The following ESRRB variants were observed in gnomAD, a reference collection of about 807,000 sequenced individuals.
ESRRB encodes the protein estrogen related receptor beta.
Under a neutral mutation model 46.0 loss-of-function variants are expected in ESRRB, and 16 were observed. That is an observed-to-expected ratio of 0.35 (90% CI 0.24 to 0.53). The LOEUF is 0.53. Among genes scored for constraint, ESRRB ranks in the 20% least tolerant of loss-of-function variants. The pLI is 0.93. For missense variants in ESRRB, 488 were observed against 607.4 expected (o/e 0.80, Z 2.07); for synonymous variants, 246 against 259.6 (o/e 0.95, Z 0.50).
At chr14:76,372,441 C>G (rs528531087), upstream of ESRRB, among the ~76,000 whole-genome samples, 2 of 152,084 alleles carry the variant, frequency 1.3e-5, no homozygotes, top group Non-Finnish European at 2.9e-5. Flanking sequence ...CCTCTGTCCA[C>G]CAGGTAAAGA....
intron 1 of ESRRB, among the ~76,000 whole-genome samples, chr14:76,380,152 T>C (rs1884951006): frequency 1.3e-5 from 2 of 152,138 alleles, no homozygotes; most frequent in African/African-American, 4.8e-5. Context: ...TTTTTAAAGA[T>C]AATCTAAACT....
intron 1 of ESRRB, among the ~76,000 whole-genome samples, chr14:76,418,944 T>A (rs1391433645): frequency 2.0e-5 from 3 of 152,016 alleles, no homozygotes; most frequent in African/African-American, 7.2e-5. Flanking sequence ...TTAGAAGTGC[T>A]GGCCAGGTAC....
At chr14:76,468,009 C>T (rs1250214342) in intron 3 of ESRRB, among the ~76,000 whole-genome samples, 1 of 152,158 alleles carries the variant, frequency 6.6e-6, no homozygotes, top group Non-Finnish European at 1.5e-5. Context: ...ATGCAATATG[C>T]TCTCACTTGC....
intron 1 of ESRRB, among the ~76,000 whole-genome samples, chr14:76,397,745 T>C (rs917497927): frequency 1.3e-5 from 2 of 152,064 alleles, no homozygotes; most frequent in South Asian, 4.1e-4. Context: ...TCTCTATTTT[T>C]CAAAAAGAAT....
rs1202659503 is a variant in ESRRB at position 76,463,452 on chromosome 14, T to TTG, written c.577+792_577+793insGT. The TTG allele has an allele frequency of 2.8e-4, 37 of 133,818 alleles. 3 individuals carry two copies. The highest frequency in any genetic ancestry group is 1.1e-3 in the African/African-American group (37 of 34,226). 8.3% of individuals were successfully genotyped at this position (133,818 alleles called of 1,614,324 possible). On this transcript the variant is annotated intron_variant, in intron 3 of 6. Transcript: ENST00000644823. ...AGCATCACATGCTTCTTTGTTTTTTTTTTTTTTTTTTGGAGACGGAGTCTT... is the reference window on the plus strand; with the variant it reads ...AGCATCACATGCTTCTTTGTTTTTTTTGTTTTTTTTTTTGGAGACGGAGTCTT...
At chr14:76,465,235 C>A (rs1006272589) in intron 3 of ESRRB, among the ~76,000 whole-genome samples, 8 of 152,180 alleles carry the variant, frequency 5.3e-5, no homozygotes, top group South Asian at 2.1e-4. Context: ...GAGGCTGGAA[C>A]TTTCCTTGCC....
At position 76,482,746 on chromosome 14, in the gene ESRRB, C is replaced by G. The variant is rs748988002; in HGVS notation, c.837C>G (p.Ala279=). ...AGCTTGTGGTCATCATTGGCTGGGC[C>G]AAGCACATCCCAGGTGAGCATGTGG... ...DRELVVIIGW[A]KHIPGFSSLS... Residue 279 remains alanine (A), a synonymous_variant, in exon 5 of 7, where the codon GCC becomes GCG. Coordinates refer to ENST00000644823, the MANE Select transcript of ESRRB (RefSeq NM_001379180.1). The surrounding 1 kb of genome is among the most constrained non-coding windows in gnomAD (Gnocchi z 4.3). The G allele has an allele frequency of 2.5e-6, 4 of 1,614,100 alleles. No homozygotes were observed. The East Asian group carries it at 8.9e-5, about 36-fold the overall frequency.
At chr14:76,469,670 C>A (rs944593095) in intron 3 of ESRRB, among the ~76,000 whole-genome samples, 4 of 152,082 alleles carry the variant, frequency 2.6e-5, no homozygotes, top group African/African-American at 9.7e-5. Flanking sequence ...TCACCACGCC[C>A]AGCCAAAAAC....
At chr14:76,488,678 G>C (rs948202322) in intron 5 of ESRRB, among the ~76,000 whole-genome samples, 1 of 152,132 alleles carries the variant, frequency 6.6e-6, no homozygotes, top group African/African-American at 2.4e-5. Flanking sequence ...TGTGCACCCT[G>C]GGAACTCAGA....
In ESRRB at chr14:76,492,984, C is replaced by A. The variant is rs149751775; in HGVS notation, c.1120+1268C>A. 1.1e-4 allele frequency among the ~76,000 whole-genome samples: 16 copies of A among 152,290 alleles called. No homozygotes were observed. In the East Asian group the frequency reaches 3.1e-3, roughly 29 times the overall value. On this transcript the variant is annotated intron_variant, in intron 6 of 6. Coordinates refer to ENST00000644823, the MANE Select transcript of ESRRB (RefSeq NM_001379180.1). ...GAGAACACATGCCAGGAATCACACA[C>A]ATAATTCTGTTGCAGAGCAGTGTGT...
chr14:76,330,269 C>T (rs1035973391), intron 1 of ESRRB, among the ~76,000 whole-genome samples: 6 of 152,128 alleles, frequency 3.9e-5, no homozygotes, highest in Admixed American at 1.3e-4. Flanking sequence ...GATGGGGTCC[C>T]GGGAGCCAGG....
rs115015999 is a variant in ESRRB at position 76,332,196 on chromosome 14, C to T, written c.2+21280C>T. 2.8e-3 allele frequency among the ~76,000 whole-genome samples: 429 copies of T among 151,806 alleles called. 3 individuals are homozygous for T. The highest frequency in any genetic ancestry group is 9.5e-3 in the African/African-American group (394 of 41,384). On this transcript the variant is annotated intron_variant, in intron 1 of 6. Coordinates refer to the ESRRB transcript ENST00000512784. ...GCAGAGGTGACATGTAAGCCTCCAT[C>T]CACCCGAGGGACCTGCAGGGAACCA...
chr14:76,500,850 G>A lies in ESRRB; in HGVS notation c.*2392G>A, dbSNP rs1890635294. 4.1e-6 allele frequency: 4 copies of A among 969,150 alleles called. No individual in the cohort carries two copies. Among genetic ancestry groups the A allele is most frequent in the East Asian group, 4.8e-5 (2 of 41,780 alleles). The allele number at this position is 969,150 out of a possible 1,614,324, so 60.0% of individuals were successfully genotyped here. ...TGGGGCGGAAGTCCTGATGGTTGGTGTCCATGAGGTGGAAGCTGCTTTTAT... is the reference window on the plus strand; with the variant it reads ...TGGGGCGGAAGTCCTGATGGTTGGTATCCATGAGGTGGAAGCTGCTTTTAT... On this transcript the variant is annotated 3_prime_UTR_variant, in exon 7 of 7. Transcript: ENST00000644823.
Position 76,499,980 on chromosome 14 carries a change from A to G in ESRRB, c.*1522A>G. 1 of 1,596,904 alleles carries G rather than the reference A, an allele frequency of 6.3e-7. No individual in the cohort carries two copies. The highest frequency in any genetic ancestry group is 1.3e-5 in the African/African-American group (1 of 74,782). On this transcript the variant is annotated 3_prime_UTR_variant, in exon 7 of 7. Transcript: ENST00000644823. ...CAGGGATCAGAGCAACTCCCCGGGGATCCCCAATCCACGCCCTTCTAGTCC... is the reference window on the plus strand; with the variant it reads ...CAGGGATCAGAGCAACTCCCCGGGGGTCCCCAATCCACGCCCTTCTAGTCC...
intron 1 of ESRRB, among the ~76,000 whole-genome samples, chr14:76,318,810 A>G (rs1883832433): frequency 6.6e-6 from 1 of 152,228 alleles, no homozygotes; most frequent in African/African-American, 2.4e-5. Flanking sequence ...GGAAACTTTC[A>G]AAGTTCCTAC....
intron 2 of ESRRB, among the ~76,000 whole-genome samples, chr14:76,446,310 T>G (rs1482460819): frequency 6.6e-6 from 1 of 152,096 alleles, no homozygotes; most frequent in African/African-American, 2.4e-5. Flanking sequence ...TGCATGTTAG[T>G]GTTTATTCCA....
chr14:76,333,972 T>C (rs1884095417), intron 1 of ESRRB, among the ~76,000 whole-genome samples: 1 of 152,072 alleles, frequency 6.6e-6, no homozygotes, highest in Admixed American at 6.6e-5. Context: ...CTCTGTGCCT[T>C]AGTTTCCCCA....
chr14:76,484,569 G>T lies in ESRRB; in HGVS notation c.850+1810G>T, dbSNP rs112068720. The stretch of plus-strand genomic sequence containing the variant: ...ATCCTAGCAATGGCTCACGAGTGGC[G>T]CCTGGTGGTCCCCTGGGTCAATGCT... On this transcript the variant is annotated intron_variant, in intron 5 of 6. Coordinates refer to ENST00000644823, the MANE Select transcript of ESRRB (RefSeq NM_001379180.1). Among the ~76,000 whole-genome samples the T allele has an allele frequency of 2.6e-5, 4 of 152,264 alleles. No individual in the cohort carries two copies. The East Asian group carries it at 7.7e-4, about 29-fold the overall frequency.
At chr14:76,489,694 G>A (rs904446576) in intron 5 of ESRRB, among the ~76,000 whole-genome samples, 1 of 152,158 alleles carries the variant, frequency 6.6e-6, no homozygotes, top group African/African-American at 2.4e-5. Context: ...GCCTGGTCAG[G>A]GACCTTCAGC....
Sources: gnomAD v4.1 joint callset for allele counts (sites outside exome capture counted in the v4.1 genomes callset) on GRCh38, gnomAD v4.1.1 for gene constraint, Gnocchi (gnomAD v3.1) non-coding constraint, MANE v1.5 for transcripts, NCBI Gene and HGNC (gene_info 2026-07-23, HGNC 2026-07-21) for gene names.